UTS2B: variants seen among roughly 807,000 people sequenced by gnomAD.
UTS2B encodes urotensin 2B, also known as urotensin-2B.
A neutral mutation model predicts 19.2 loss-of-function variants in UTS2B; 21 were observed. The ratio of observed to expected loss-of-function variants is 1.09; its 90% confidence interval spans 0.78 to 1.58. The LOEUF (loss-of-function observed/expected upper bound fraction) is 1.58, where lower values mean the gene tolerates loss of function less well. Among genes scored for constraint, UTS2B ranks in the 40% most tolerant of loss-of-function variants. UTS2B has a pLI of 0.00. For missense variants in UTS2B, 138 were observed against 130.3 expected, an observed-to-expected ratio of 1.06 and a Z score of -0.29; for synonymous variants, 57 against 50.2, an observed-to-expected ratio of 1.14 and a Z score of -0.58.
intron 4 of UTS2B, among the ~76,000 whole-genome samples, chr3:191,299,129 C>G (rs909124029): frequency 3.8e-5 from 5 of 132,020 alleles, no homozygotes; most frequent in Non-Finnish European, 5.2e-5. Context: ...GGAAGCAGAG[C>G]ATAAAAGTTT....
chr3:191,275,572 C>T (rs1385258812), intron 7 of UTS2B, among the ~76,000 whole-genome samples: 1 of 151,894 alleles, frequency 6.6e-6, no homozygotes, highest in Non-Finnish European at 1.5e-5. Flanking sequence ...CCCAGCTACT[C>T]GGGAGGCTAA....
At chr3:191,272,386 A>C (rs1054009780) in intron 8 of UTS2B, among the ~76,000 whole-genome samples, 1 of 152,246 alleles carries the variant, frequency 6.6e-6, no homozygotes, top group African/African-American at 2.4e-5. Context: ...CATCTGCAAC[A>C]GCTTGGGATT....
At position 191,268,399 on chromosome 3, in the gene UTS2B, C is replaced by A. The variant is rs1716000101; in HGVS notation, c.*17G>T. 1 of 1,551,214 alleles carries A rather than the reference C, an allele frequency of 6.4e-7. No individual in the cohort carries two copies. The highest frequency in any genetic ancestry group is 1.4e-5 in the African/African-American group (1 of 73,288). On this transcript the variant is annotated 3_prime_UTR_variant, in exon 9 of 9. Coordinates refer to ENST00000340524, the MANE Select transcript of UTS2B (RefSeq NM_198152.5). ...TTCCTGATATTCTTATCTTTTTTTGCATCCAGAGAAAAAGCTTTAAACACA... is the reference window on the plus strand; with the variant it reads ...TTCCTGATATTCTTATCTTTTTTTGAATCCAGAGAAAAAGCTTTAAACACA...
At chr3:191,298,380 C>T (rs538468312) in intron 4 of UTS2B, among the ~76,000 whole-genome samples, 78 of 152,236 alleles carry the variant, frequency 5.1e-4, no homozygotes, top group African/African-American at 1.8e-3. Context: ...CCCTGCTGTT[C>T]TCATGACAGT....
At chr3:191,273,959 G>A (rs180800866) in intron 8 of UTS2B, among the ~76,000 whole-genome samples, 5 of 152,180 alleles carry the variant, frequency 3.3e-5, no homozygotes, top group Admixed American at 1.3e-4. Flanking sequence ...AAACTTAGCC[G>A]GGAGTGATGG....
At chr3:191,313,557 A>G (rs1314565965) in intron 3 of UTS2B, among the ~76,000 whole-genome samples, 1 of 152,196 alleles carries the variant, frequency 6.6e-6, no homozygotes, top group Non-Finnish European at 1.5e-5. Flanking sequence ...GCTTTGATGT[A>G]CTCACACACC....
chr3:191,329,847 T>C (rs557241032), intron 1 of UTS2B: 2 of 868,854 alleles, frequency 2.3e-6, no homozygotes, highest in Admixed American at 5.5e-5. Flanking sequence ...TGCGTTGGCC[T>C]TGCCCGGACG....
intron 8 of UTS2B, among the ~76,000 whole-genome samples, chr3:191,272,515 ATATG>A (rs1480727368): frequency 6.6e-6 from 1 of 152,132 alleles, no homozygotes; most frequent in African/African-American, 2.4e-5. Flanking sequence ...TAATTGTTGG[ATATG>A]TATGGGGTGA....
At chr3:191,330,777 C>T (rs1016863170), upstream of UTS2B, among the ~76,000 whole-genome samples, 1 of 152,072 alleles carries the variant, frequency 6.6e-6, no homozygotes, top group Non-Finnish European at 1.5e-5. Flanking sequence ...CTCAGGCCAG[C>T]CCAAAAATCT....
chr3:191,280,695 A>G (rs1716363087), intron 5 of UTS2B, among the ~76,000 whole-genome samples: 1 of 152,116 alleles, frequency 6.6e-6, no homozygotes. Context: ...TTTAACTGTA[A>G]TCTAGCAAAT....
intron 2 of UTS2B, among the ~76,000 whole-genome samples, chr3:191,319,915 T>C (rs1378037657): frequency 1.3e-5 from 2 of 151,680 alleles, no homozygotes; most frequent in East Asian, 3.9e-4. Context: ...CCTTACTTTT[T>C]GGAAAATTAT....
chr3:191,295,414 G>A (rs1716832847), intron 4 of UTS2B, among the ~76,000 whole-genome samples: 1 of 151,764 alleles, frequency 6.6e-6, no homozygotes, highest in South Asian at 2.1e-4. Context: ...TACTTTCCTG[G>A]TTATACTTTT....
chr3:191,341,572 C>T, the UTS2B span, among the ~76,000 whole-genome samples: 3 of 152,338 alleles, frequency 2.0e-5, no homozygotes, highest in Admixed American at 1.3e-4. Context: ...GCATCCTCCT[C>T]ACTGGAGTCT....
chr3:191,346,169 A>G, the UTS2B span, among the ~76,000 whole-genome samples: 1 of 152,196 alleles, frequency 6.6e-6, no homozygotes, highest in Admixed American at 6.5e-5. Context: ...TAAATCAATA[A>G]AATTGCTACT....
At chr3:191,284,347 A>G (rs1397904701) in intron 4 of UTS2B, among the ~76,000 whole-genome samples, 2 of 151,786 alleles carry the variant, frequency 1.3e-5, no homozygotes, top group African/African-American at 4.8e-5. Flanking sequence ...TTTAAGAAGG[A>G]GTCTCTCTCT....
At chr3:191,327,582 A>G (rs1717778678) in intron 2 of UTS2B, among the ~76,000 whole-genome samples, 1 of 152,194 alleles carries the variant, frequency 6.6e-6, no homozygotes, top group Admixed American at 6.5e-5. Flanking sequence ...GAGGGACAGG[A>G]CTGTGGCCAA....
At chr3:191,291,336 G>C (rs930083280) in intron 4 of UTS2B, among the ~76,000 whole-genome samples, 1 of 152,002 alleles carries the variant, frequency 6.6e-6, no homozygotes, top group African/African-American at 2.4e-5. Flanking sequence ...ATTTTTTCTT[G>C]TGTTTCTTGT....
intron 8 of UTS2B, among the ~76,000 whole-genome samples, chr3:191,272,921 T>TA (rs1398499430): frequency 1.3e-5 from 2 of 151,294 alleles, no homozygotes; most frequent in African/African-American, 2.4e-5. Context: ...TCCCAGCACT[T>TA]TGAGAGCTCA....
chr3:191,276,714 T>C (rs992357966), intron 7 of UTS2B, 93 bp downstream of exon 7: 1 of 1,057,554 alleles, frequency 9.5e-7, no homozygotes, highest in Non-Finnish European at 1.4e-6. Context: ...TACATTGTAG[T>C]ATTAATAATT....
Sources: gnomAD v4.1 joint callset for allele counts (sites outside exome capture counted in the v4.1 genomes callset) on GRCh38, gnomAD v4.1.1 for gene constraint, MANE v1.5 for transcripts, NCBI Gene and HGNC (gene_info 2026-07-23, HGNC 2026-07-21) for gene names.